Variants in TNFRSF8 observed in about 807,000 individuals in gnomAD.
TNFRSF8 encodes the protein TNF receptor superfamily member 8, also known as tumor necrosis factor receptor superfamily member 8.
Under a neutral mutation model 70.8 loss-of-function variants are expected in TNFRSF8, and 26 were observed. The observed-to-expected ratio is 0.37, with a 90% CI of 0.27 to 0.51. TNFRSF8 has a LOEUF of 0.51. TNFRSF8 is among the 20% of genes least tolerant of loss of function. The pLI, the probability that TNFRSF8 is intolerant of heterozygous loss-of-function variation, is 0.94. For synonymous variants in TNFRSF8, 356 were observed against 339.2 expected, an observed-to-expected ratio of 1.05 and a Z score of -0.54; for missense variants, 720 against 807.9, an observed-to-expected ratio of 0.89 and a Z score of 1.32.
In TNFRSF8 at chr1:12,123,380, G is replaced by A. The variant is rs367878136; in HGVS notation, c.1040+3G>A. 1.1e-4 allele frequency: 172 copies of A among 1,604,406 alleles called. No homozygotes were observed. Among genetic ancestry groups the A allele is most frequent in the Non-Finnish European group, 1.4e-4 (167 of 1,175,752 alleles). ...GAGAATGGCGAGGCGCCTGCCAGGT[G>A]ACTCCCCCACCCCTTCTCTCTGTTT... On this transcript the variant is annotated splice_donor_region_variant and intron_variant, in intron 9 of 14. Transcript: ENST00000263932.
chr1:12,074,719 G>T (rs940631623), intron 1 of TNFRSF8, among the ~76,000 whole-genome samples: 1 of 152,166 alleles, frequency 6.6e-6, no homozygotes, highest in African/African-American at 2.4e-5. Context: ...CACATCAAAG[G>T]TTCTGAGAAG....
At chr1:12,092,188 A>G (rs961719618) in intron 2 of TNFRSF8, among the ~76,000 whole-genome samples, 3 of 151,908 alleles carry the variant, frequency 2.0e-5, no homozygotes, top group African/African-American at 7.3e-5. Context: ...ACTGTATTGT[A>G]TTGTTTCAGA....
At position 12,119,555 on chromosome 1, in the gene TNFRSF8, CTT is replaced by C. The variant is rs57055779; in HGVS notation, c.947-3717_947-3716del. ...ATGAATGAAAACAGCTGTGAATATT[CTT>C]TTTTTTTTTTTAACATGTATGAATT... On this transcript the variant is annotated intron_variant, in intron 8 of 14. Transcript: ENST00000263932. This position sits in a 1 kb window ranked among gnomAD's most constrained non-coding sequence, Gnocchi z 4.4. 2.1e-5 allele frequency among the ~76,000 whole-genome samples: 3 copies of C among 145,832 alleles called. No homozygotes were observed. The highest frequency in any genetic ancestry group is 7.5e-5 in the African/African-American group (3 of 39,876).
chr1:12,137,789 G>A (rs754406845), intron 13 of TNFRSF8, among the ~76,000 whole-genome samples: 25 of 151,880 alleles, frequency 1.6e-4, no homozygotes, highest in Non-Finnish European at 2.9e-4. Flanking sequence ...ACAGACTTGG[G>A]TGCTTATGAG....
chr1:12,138,936 C>T lies in TNFRSF8; in HGVS notation c.1543+500C>T, dbSNP rs963688047. 1.4e-5 allele frequency among the ~76,000 whole-genome samples: 2 copies of T among 140,126 alleles called. No individual in the cohort carries two copies. The highest frequency in any genetic ancestry group is 3.0e-5 in the African/African-American group (1 of 33,498). 91.9% of individuals were successfully genotyped at this position (140,126 alleles called of 152,430 possible). A position where few individuals can be genotyped will look rare whatever the true frequency, so the allele number is the denominator to read the frequency against. On this transcript the variant is annotated intron_variant, in intron 14 of 14. Coordinates refer to ENST00000263932, the MANE Select transcript of TNFRSF8 (RefSeq NM_001243.5). The surrounding 1 kb of genome is among the most constrained non-coding windows in gnomAD (Gnocchi z 5.7). ...TAAGTGGCACAGCTGGAACTCGTCCCGCATCTGCTGGGCCTTGAAGCCCGT... is the reference window on the plus strand; with the variant it reads ...TAAGTGGCACAGCTGGAACTCGTCCTGCATCTGCTGGGCCTTGAAGCCCGT...
intron 8 of TNFRSF8, among the ~76,000 whole-genome samples, chr1:12,121,777 A>C (rs1641832783): frequency 6.6e-6 from 1 of 152,262 alleles, no homozygotes; most frequent in Non-Finnish European, 1.5e-5. Flanking sequence ...GGCACGCACA[A>C]GAATACTCAC....
intron 8 of TNFRSF8, among the ~76,000 whole-genome samples, chr1:12,120,156 C>T (rs1331659040): frequency 6.6e-6 from 1 of 152,162 alleles, no homozygotes; most frequent in African/African-American, 2.4e-5. Context: ...TTCCTATATC[C>T]TCTCCTAGGA....
At chr1:12,124,921 G>T (rs768268506) in intron 10 of TNFRSF8, among the ~76,000 whole-genome samples, 8 of 150,794 alleles carry the variant, frequency 5.3e-5, no homozygotes, top group Non-Finnish European at 1.2e-4. Context: ...AAGATGCCAG[G>T]TTACTCATTT....
chr1:12,098,765 A>G (rs1052732833), intron 3 of TNFRSF8, among the ~76,000 whole-genome samples: 1 of 152,218 alleles, frequency 6.6e-6, no homozygotes, highest in Non-Finnish European at 1.5e-5. Context: ...TATCTCTTGC[A>G]GTAAAGGCAA....
chr1:12,121,808 T>G (rs1375141774), intron 8 of TNFRSF8, among the ~76,000 whole-genome samples: 1 of 152,218 alleles, frequency 6.6e-6, no homozygotes, highest in African/African-American at 2.4e-5. Flanking sequence ...TTCGTCATAG[T>G]TCAAACTGGA....
At chr1:12,089,598 G>A (rs1641211801) in intron 2 of TNFRSF8, among the ~76,000 whole-genome samples, 1 of 152,180 alleles carries the variant, frequency 6.6e-6, no homozygotes, top group Non-Finnish European at 1.5e-5. Flanking sequence ...AATGCAGCAA[G>A]CATTTATTGA....
At chr1:12,075,383 T>G (rs72641059) in intron 1 of TNFRSF8, among the ~76,000 whole-genome samples, 1,977 of 152,164 alleles carry the variant, frequency 0.013, 38 homozygotes, top group African/African-American at 0.045. Context: ...GCTGCGCCTG[T>G]CCGTGTTCTG....
Position 12,110,734 on chromosome 1 carries a change from G to A in TNFRSF8, c.676+530G>A, listed in dbSNP as rs1641614580. ...CTGCCTCAGCCTCCTGAGTAGCTGG[G>A]ATTACAGGTGCCCACCACCACGCCT... On this transcript the variant is annotated intron_variant, in intron 6 of 14. Coordinates refer to ENST00000263932, the MANE Select transcript of TNFRSF8 (RefSeq NM_001243.5). The surrounding 1 kb of genome is among the most constrained non-coding windows in gnomAD (Gnocchi z 4.0). 6.6e-6 allele frequency among the ~76,000 whole-genome samples: 1 copy of A among 152,098 alleles called. No individual in the cohort carries two copies. Among genetic ancestry groups the A allele is most frequent in the Admixed American group, 6.5e-5 (1 of 15,270 alleles).
chr1:12,084,984 G>GT (rs1393423475), intron 2 of TNFRSF8, among the ~76,000 whole-genome samples: 3 of 152,224 alleles, frequency 2.0e-5, no homozygotes, highest in Admixed American at 2.0e-4. Flanking sequence ...GTTGGGAAAT[G>GT]GTGGAATGAT....
In TNFRSF8 at chr1:12,095,432, C is replaced by T. The variant is rs532921790; in HGVS notation, c.152-1669C>T. Reference sequence around the variant, plus strand: ...CCTCCCCAGTAGCTGGGATTACAGGCGCCTGCCACGACACCCAGCTAATTT... The same window carrying T: ...CCTCCCCAGTAGCTGGGATTACAGGTGCCTGCCACGACACCCAGCTAATTT... On this transcript the variant is annotated intron_variant, in intron 2 of 14. Coordinates refer to ENST00000263932, the MANE Select transcript of TNFRSF8 (RefSeq NM_001243.5). 3.9e-5 allele frequency among the ~76,000 whole-genome samples: 6 copies of T among 151,976 alleles called. No individual in the cohort carries two copies. In the East Asian group the frequency reaches 9.7e-4, roughly 25 times the overall value.
chr1:12,081,081 C>A (rs956769299), intron 1 of TNFRSF8, among the ~76,000 whole-genome samples: 2 of 152,124 alleles, frequency 1.3e-5, no homozygotes, highest in Non-Finnish European at 2.9e-5. Context: ...AAAGCAGGCA[C>A]CCAAGGCCAG....
At position 12,138,223 on chromosome 1, in the gene TNFRSF8, C is replaced by T. The variant is rs1642183575; in HGVS notation, c.1336-6C>T. The stretch of plus-strand genomic sequence containing the variant: ...CCCTGCAGCAGCACCCATTCCCGTC[C>T]CACAGCAGCTGAGGAGTGGTGCGTC... On this transcript the variant is annotated splice_region_variant and splice_polypyrimidine_tract_variant and intron_variant, in intron 13 of 14. Transcript: ENST00000263932. The surrounding 1 kb of genome is among the most constrained non-coding windows in gnomAD (Gnocchi z 5.7). 6.2e-7 allele frequency: 1 copy of T among 1,613,014 alleles called. No individual in the cohort carries two copies. Among genetic ancestry groups the T allele is most frequent in the South Asian group, 1.1e-5 (1 of 91,036 alleles).
At chr1:12,111,154 T>A (rs180923253) in intron 6 of TNFRSF8, among the ~76,000 whole-genome samples, 182 of 152,230 alleles carry the variant, frequency 1.2e-3, no homozygotes, top group Non-Finnish European at 2.0e-3. Context: ...GCTTTGCTTA[T>A]TCTCTCTATG....
intron 2 of TNFRSF8, among the ~76,000 whole-genome samples, chr1:12,095,583 C>T (rs999205510): frequency 2.0e-5 from 3 of 152,228 alleles, no homozygotes; most frequent in Non-Finnish European, 4.4e-5. Context: ...CCACCGCACC[C>T]GGCCTGTTAC....
Sources: allele counts gnomAD v4.1 joint callset (sites outside exome capture counted in the v4.1 genomes callset), GRCh38; gene constraint gnomAD v4.1.1; non-coding constraint Gnocchi (gnomAD v3.1); transcripts MANE v1.5; gene names NCBI Gene and HGNC (gene_info 2026-07-23, HGNC 2026-07-21).